EGF: variants seen among roughly 807,000 people sequenced by gnomAD.
The protein encoded by EGF is pro-epidermal growth factor.
In EGF, 95 loss-of-function variants were observed where a neutral mutation model predicts 143.8. The ratio of observed to expected loss-of-function variants is 0.66; its 90% CI spans 0.56 to 0.78. EGF has a LOEUF of 0.78. Ranked by LOEUF, EGF falls within the 30% of genes least tolerant of loss-of-function variation. EGF has a pLI of 0.00. For synonymous variants in EGF, 510 were observed against 510.5 expected (o/e 1.00, Z 0.01); for missense variants, 1,320 against 1,470.9 (o/e 0.90, Z 1.68).
chr4:109,980,226 G>T, intron 14 of EGF, 87 bp downstream of exon 14: 2 of 1,392,352 alleles, frequency 1.4e-6, no homozygotes, highest in South Asian at 3.1e-5. Flanking sequence ...TGGCGGGGGG[G>T]TGGAGGGGAT....
chr4:109,937,469 T>C (rs1260418761), intron 1 of EGF, among the ~76,000 whole-genome samples: 1 of 152,164 alleles, frequency 6.6e-6, no homozygotes, highest in South Asian at 2.1e-4. Flanking sequence ...ACCAGCACAC[T>C]GATGGTCTTG....
At position 109,940,071 on chromosome 4, in the gene EGF, G is replaced by A. The variant is rs11568880; in HGVS notation, c.128-875G>A. Among the ~76,000 whole-genome samples the A allele has an allele frequency of 5.1e-3, 782 of 152,278 alleles. 4 individuals are homozygous for A. The highest frequency in any genetic ancestry group is 0.018 in the African/African-American group (762 of 41,558). ...GGCAAGCTGTGTGTGGAGTCTGTCA[G>A]TAATTAGTGGTGAGGTTTCCCAAGA... On this transcript the variant is annotated intron_variant, in intron 1 of 23. Coordinates refer to ENST00000265171, the MANE Select transcript of EGF (RefSeq NM_001963.6).
intron 1 of EGF, among the ~76,000 whole-genome samples, chr4:109,914,108 T>A (rs532467123): frequency 1.8e-4 from 27 of 152,290 alleles, no homozygotes; most frequent in Middle Eastern, 3.4e-3. Flanking sequence ...TCATATTAAA[T>A]GAATTTTTTG....
At chr4:110,004,473 T>C in intron 21 of EGF, 32 bp from the exon 22 acceptor site, 1 of 1,595,312 alleles carries the variant, frequency 6.3e-7, no homozygotes, top group Non-Finnish European at 8.6e-7. Context: ...TGTTTTGTTG[T>C]GAGATTGTCT....
chr4:109,928,391 C>T (rs1292697651), intron 1 of EGF, among the ~76,000 whole-genome samples: 1 of 152,068 alleles, frequency 6.6e-6, no homozygotes, highest in Non-Finnish European at 1.5e-5. Flanking sequence ...AATTAAAAGA[C>T]TTATCATCTA....
rs1421410735 is a variant in EGF, at chr4:109,987,740, G to T, written c.2492-4G>T. On this transcript the variant is annotated splice_region_variant and splice_polypyrimidine_tract_variant and intron_variant, in intron 16 of 23. Coordinates refer to ENST00000265171, the MANE Select transcript of EGF (RefSeq NM_001963.6). ...TAACTGCACGGGATTCTTGCTATTT[G>T]TAGATCAAGATGACTGTGCTCCTGT... The T allele has an allele frequency of 1.9e-6, 3 of 1,606,242 alleles. No individual in the cohort carries two copies. The highest frequency in any genetic ancestry group is 2.6e-6 in the Non-Finnish European group (3 of 1,173,048).
At position 109,999,754 on chromosome 4, in the gene EGF, C is replaced by T. The variant is rs777597029; in HGVS notation, c.3081C>T (p.His1027=). The change falls in exon 21 of 24, where the codon CAC becomes CAT. Residue 1027 remains histidine, a synonymous_variant. Transcript: ENST00000265171. ...LKWWELRHAG[H]GQQQKVIVVA... is the part of the protein sequence containing the mutation. ...GGTGGGAACTGCGCCACGCTGGCCACGGGCAGCAGCAGAAGGTCATCGTGG... is the reference window on the plus strand; with the variant it reads ...GGTGGGAACTGCGCCACGCTGGCCATGGGCAGCAGCAGAAGGTCATCGTGG... 6.2e-6 allele frequency: 10 copies of T among 1,613,900 alleles called. No individual in the cohort carries two copies. In the South Asian group the frequency reaches 7.7e-5, roughly 12 times the overall value.
In EGF at chr4:109,936,373, C is replaced by T. The variant is rs1740801574; in HGVS notation, c.128-4573C>T. ...TATTCTCTAACGGTAGTTTGTATTT[C>T]TGTGGGATCGGTGGTGATATCCCCT... On this transcript the variant is annotated intron_variant, in intron 1 of 23. Transcript: ENST00000265171. 3.3e-5 allele frequency among the ~76,000 whole-genome samples: 5 copies of T among 152,174 alleles called. No individual in the cohort carries two copies. The South Asian group carries it at 1.0e-3, about 32-fold the overall frequency.
In EGF at chr4:109,994,549, G is replaced by A. The variant is rs7685406; in HGVS notation, c.2858-184G>A. Among the ~76,000 whole-genome samples the A allele has an allele frequency of 6.3e-3, 960 of 152,236 alleles. 11 individuals carry two copies. Among genetic ancestry groups the A allele is most frequent in the African/African-American group, 0.022 (909 of 41,536 alleles). ...ATAATACTGAGCCCAAAGGAAGAAC[G>A]GCTGGTTTCATAGTGAATGACTAAG... On this transcript the variant is annotated intron_variant, in intron 19 of 23. Coordinates refer to ENST00000265171, the MANE Select transcript of EGF (RefSeq NM_001963.6).
At position 109,976,180 on chromosome 4, in the gene EGF, T is replaced by C. The variant is rs749981435; in HGVS notation, c.1998T>C (p.Ile666=). The C allele has an allele frequency of 1.9e-6, 3 of 1,614,136 alleles. No homozygotes were observed. The East Asian group carries it at 6.7e-5, about 36-fold the overall frequency. The change falls in exon 13 of 24, where the codon ATT becomes ATC. Residue 666 remains isoleucine (I), a synonymous_variant. Coordinates refer to ENST00000265171, the MANE Select transcript of EGF (RefSeq NM_001963.6). ...GGTGCGATGCCAAGCAGTCTGTGATTGAAATGGCCAATCTGGATGGTTCAA... is the reference window on the plus strand; with the variant it reads ...GGTGCGATGCCAAGCAGTCTGTGATCGAAATGGCCAATCTGGATGGTTCAA... ...LYWCDAKQSV[I]EMANLDGSKR... is the part of the protein sequence containing the mutation.
intron 22 of EGF, among the ~76,000 whole-genome samples, chr4:110,007,722 C>T (rs1021874409): frequency 6.6e-6 from 1 of 152,058 alleles, no homozygotes; most frequent in African/African-American, 2.4e-5. Flanking sequence ...AACTTGGTAG[C>T]ATGTTTAAAT....
At chr4:109,980,662 T>C (rs1749202532) in intron 14 of EGF, 164 bp from the exon 15 acceptor site, 1 of 778,726 alleles carries the variant, frequency 1.3e-6, no homozygotes, top group Admixed American at 2.2e-5. Flanking sequence ...AGTGGCTCCT[T>C]GGGGGAACTC....
In EGF at chr4:109,979,897, T is replaced by G. The variant is rs142399267; in HGVS notation, c.2054-75T>G. On this transcript the variant is annotated intron_variant, in intron 13 of 23. Coordinates refer to ENST00000265171, the MANE Select transcript of EGF (RefSeq NM_001963.6). ...TTAGTGTAGGAATGTTGTGTAAATT[T>G]CAAGCCTTGTCCTTTCGTAAATAGT... The G allele has an allele frequency of 4.5e-6, 7 of 1,565,940 alleles. No individual in the cohort carries two copies. In the East Asian group the frequency reaches 1.6e-4, roughly 35 times the overall value.
chr4:110,012,178 A>G lies in EGF; in HGVS notation c.*723A>G, dbSNP rs1444095419. ...GAATTTGTATGTATTTTCAGTTACA[A>G]GATTGTAAGTAAATTGCCTGATTTG... On this transcript the variant is annotated 3_prime_UTR_variant, in exon 24 of 24. Coordinates refer to ENST00000265171, the MANE Select transcript of EGF (RefSeq NM_001963.6). 1 of 152,206 alleles carries G rather than the reference A, an allele frequency of 6.6e-6. No homozygotes were observed. The highest frequency in any genetic ancestry group is 2.4e-5 in the African/African-American group (1 of 41,456). The allele number at this position is 152,206 out of a possible 1,614,324, so 9.4% of individuals were successfully genotyped here.
chr4:109,954,161 C>T (rs1744403958), intron 5 of EGF, among the ~76,000 whole-genome samples: 1 of 152,206 alleles, frequency 6.6e-6, no homozygotes, highest in South Asian at 2.1e-4. Flanking sequence ...AAGCAATTCT[C>T]ATGTTTCAGC....
intron 1 of EGF, among the ~76,000 whole-genome samples, chr4:109,924,189 C>A (rs1336055974): frequency 6.6e-6 from 1 of 151,592 alleles, no homozygotes; most frequent in Non-Finnish European, 1.5e-5. Context: ...GAGATCTAGA[C>A]AGATGAAGTA....
chr4:109,931,315 T>G (rs184961856), intron 1 of EGF, among the ~76,000 whole-genome samples: 58 of 152,370 alleles, frequency 3.8e-4, no homozygotes, highest in African/African-American at 1.1e-3. Flanking sequence ...TTTATTACAT[T>G]CTTACAAATA....
At chr4:109,952,747 A>G (rs943886295) in intron 5 of EGF, among the ~76,000 whole-genome samples, 4 of 152,246 alleles carry the variant, frequency 2.6e-5, no homozygotes, top group African/African-American at 9.6e-5. Flanking sequence ...ACAAGGATAC[A>G]TGCCATTGCA....
chr4:109,984,013 A>G (rs1455144342), intron 16 of EGF, among the ~76,000 whole-genome samples: 1 of 152,222 alleles, frequency 6.6e-6, no homozygotes, highest in East Asian at 1.9e-4. Context: ...ATTTGTCACT[A>G]AAATGCCAAA....
Sources: gnomAD v4.1 joint callset for allele counts (sites outside exome capture counted in the v4.1 genomes callset) on GRCh38, gnomAD v4.1.1 for gene constraint, MANE v1.5 for transcripts, NCBI Gene and HGNC (gene_info 2026-07-23, HGNC 2026-07-21) for gene names.